Variants in STAG1 observed in about 807,000 individuals in gnomAD.
The protein encoded by STAG1 is STAG1 cohesin complex component, also known as cohesin subunit SA-1.
A neutral mutation model predicts 170.9 loss-of-function variants in STAG1; 26 were observed. That is an observed-to-expected ratio of 0.15 (90% CI 0.11 to 0.21). STAG1 has a LOEUF of 0.21. Among genes scored for constraint, STAG1 ranks in the 10% least tolerant of loss-of-function variants. STAG1 has a pLI of 1.00. For synonymous variants in STAG1, 514 were observed against 497.7 expected, an observed-to-expected ratio of 1.03 and a Z score of -0.44; for missense variants, 964 against 1,509.5, an observed-to-expected ratio of 0.64 and a Z score of 5.99.
intron 13 of STAG1, among the ~76,000 whole-genome samples, chr3:136,463,735 ATGTG>A (rs140989476): frequency 0.023 from 2,357 of 101,172 alleles, 31 homozygotes; most frequent in South Asian, 0.035. Context: ...AAATGTGTAT[ATGTG>A]TGTGTGTGTG....
chr3:136,722,676 TC>T (rs1018261828), intron 1 of STAG1, among the ~76,000 whole-genome samples: 1 of 107,678 alleles, frequency 9.3e-6, no homozygotes, highest in African/African-American at 3.6e-5. Flanking sequence ...CCTCTCCCTC[TC>T]CCCCCTTTCC....
intron 13 of STAG1, among the ~76,000 whole-genome samples, chr3:136,456,367 G>C (rs2089112134): frequency 6.6e-6 from 1 of 151,838 alleles, no homozygotes; most frequent in Non-Finnish European, 1.5e-5. Context: ...TATAACTGAA[G>C]TGAAAAACTC....
intron 1 of STAG1, among the ~76,000 whole-genome samples, chr3:136,643,249 T>C (rs1024199798): frequency 6.6e-6 from 1 of 152,258 alleles, no homozygotes; most frequent in Admixed American, 6.5e-5. Context: ...GCAACTCCTC[T>C]ATGCTAGGCA....
At chr3:136,446,930 A>T (rs1293430467) in intron 14 of STAG1, among the ~76,000 whole-genome samples, 1 of 151,446 alleles carries the variant, frequency 6.6e-6, no homozygotes, top group African/African-American at 2.4e-5. Flanking sequence ...CCTCCTGAGT[A>T]GCTGGGACTA....
chr3:136,648,304 T>G (rs1941100586), intron 1 of STAG1, among the ~76,000 whole-genome samples: 1 of 152,144 alleles, frequency 6.6e-6, no homozygotes, highest in Non-Finnish European at 1.5e-5. Flanking sequence ...CCTCAAACAC[T>G]CCCCAATCCT....
At chr3:136,498,245 T>TACACACAC (rs1464716530) in intron 9 of STAG1, among the ~76,000 whole-genome samples, 1 of 68,258 alleles carries the variant, frequency 1.5e-5, no homozygotes, top group Non-Finnish European at 2.6e-5. Context: ...CACATACATA[T>TACACACAC]ACATACACAC....
intron 9 of STAG1, among the ~76,000 whole-genome samples, chr3:136,495,796 A>T (rs1343901380): frequency 6.6e-6 from 1 of 151,594 alleles, no homozygotes; most frequent in Non-Finnish European, 1.5e-5. Flanking sequence ...GTGAAACCCC[A>T]TCTCTACTAA....
intron 1 of STAG1, among the ~76,000 whole-genome samples, chr3:136,742,615 T>C (rs1934725492): frequency 6.6e-6 from 1 of 151,278 alleles, no homozygotes; most frequent in South Asian, 2.1e-4. Context: ...CTGTGGAGAC[T>C]GAGACAGGAG....
At chr3:136,501,346 C>A (rs577140479) in intron 8 of STAG1, among the ~76,000 whole-genome samples, 2 of 152,198 alleles carry the variant, frequency 1.3e-5, no homozygotes, top group South Asian at 4.1e-4. Flanking sequence ...CCCCTAGTAC[C>A]TCAGAATGTG....
At chr3:136,373,145 T>C (rs1476303476) in intron 23 of STAG1, among the ~76,000 whole-genome samples, 5 of 152,228 alleles carry the variant, frequency 3.3e-5, no homozygotes, top group African/African-American at 4.8e-5. Context: ...TAGAGGTGTT[T>C]ATAGTATTCT....
At chr3:136,699,922 T>C (rs1380545079) in intron 1 of STAG1, among the ~76,000 whole-genome samples, 1 of 152,078 alleles carries the variant, frequency 6.6e-6, no homozygotes, top group East Asian at 1.9e-4. Context: ...GCAGGTTTGA[T>C]ACATCCGAGG....
At chr3:136,722,367 G>A (rs1430450789) in intron 1 of STAG1, among the ~76,000 whole-genome samples, 1 of 152,128 alleles carries the variant, frequency 6.6e-6, no homozygotes, top group Non-Finnish European at 1.5e-5. Context: ...ATGTTAAGGT[G>A]ATGTCTATGT....
chr3:136,725,913 TA>T (rs1163637640), intron 1 of STAG1, among the ~76,000 whole-genome samples: 1 of 152,222 alleles, frequency 6.6e-6, no homozygotes, highest in African/African-American at 2.4e-5. Context: ...AATTATTAGT[TA>T]GAAACCTGGA....
At chr3:136,518,093 C>T (rs1047523366) in intron 7 of STAG1, 4 of 315,014 alleles carry the variant, frequency 1.3e-5, no homozygotes, top group African/African-American at 8.6e-5. Context: ...CAATTAAATG[C>T]AATGCATAAA....
intron 1 of STAG1, among the ~76,000 whole-genome samples, chr3:136,641,778 T>C (rs1227207912): frequency 6.6e-6 from 1 of 152,226 alleles, no homozygotes; most frequent in Non-Finnish European, 1.5e-5. Context: ...TTTTAATTAA[T>C]AGTATCATAT....
At chr3:136,448,389 ATG>A (rs1223658957) in intron 14 of STAG1, among the ~76,000 whole-genome samples, 1 of 152,192 alleles carries the variant, frequency 6.6e-6, no homozygotes, top group East Asian at 1.9e-4. Flanking sequence ...CCTCACAATC[ATG>A]GCAGAAGATG....
intron 1 of STAG1, among the ~76,000 whole-genome samples, chr3:136,705,246 T>C (rs1943195476): frequency 6.6e-6 from 1 of 152,084 alleles, no homozygotes; most frequent in Non-Finnish European, 1.5e-5. Flanking sequence ...CGTGGTGGCA[T>C]GCGCCTATAA....
intron 1 of STAG1, among the ~76,000 whole-genome samples, chr3:136,657,313 C>CT (rs907329123): frequency 6.6e-6 from 1 of 151,096 alleles, no homozygotes; most frequent in African/African-American, 2.4e-5. Flanking sequence ...ATTCTTGTCC[C>CT]TCAGCCGCCC....
intron 25 of STAG1, among the ~76,000 whole-genome samples, 161 bp downstream of exon 25, chr3:136,366,782 G>C (rs1041672108): frequency 2.6e-5 from 4 of 152,080 alleles, no homozygotes; most frequent in Non-Finnish European, 5.9e-5. Flanking sequence ...TGATATAATA[G>C]TACAGACTGA....
Sources: gnomAD v4.1 joint callset for allele counts (sites outside exome capture counted in the v4.1 genomes callset) on GRCh38, gnomAD v4.1.1 for gene constraint, MANE v1.5 for transcripts, NCBI Gene and HGNC (gene_info 2026-07-23, HGNC 2026-07-21) for gene names.